Variants in DNASE2B observed in about 807,000 individuals in gnomAD.
DNASE2B encodes deoxyribonuclease 2 beta, also known as deoxyribonuclease-2-beta.
Under a neutral mutation model 46.0 loss-of-function variants are expected in DNASE2B, and 43 were observed. That is an observed-to-expected ratio of 0.94 (90% CI 0.73 to 1.21). The LOEUF is 1.21. Among genes scored for constraint, DNASE2B ranks in the 50% most tolerant of loss-of-function variants. The probability of loss-of-function intolerance (pLI) is 0.00; values close to 1 mark genes in which losing one functional copy is unlikely to be tolerated. For synonymous variants in DNASE2B, 156 were observed against 152.5 expected, an observed-to-expected ratio of 1.02 and a Z score of -0.17; for missense variants, 395 against 414.4, an observed-to-expected ratio of 0.95 and a Z score of 0.41.
At chr1:84,402,400 T>C (rs924350121) in intron 2 of DNASE2B, among the ~76,000 whole-genome samples, 4 of 152,190 alleles carry the variant, frequency 2.6e-5, no homozygotes, top group African/African-American at 4.8e-5. Context: ...CTAATAGAAA[T>C]AGGGAGAGGA....
intron 1 of DNASE2B, among the ~76,000 whole-genome samples, chr1:84,398,923 C>T (rs1680353034): frequency 6.6e-6 from 1 of 152,222 alleles, no homozygotes; most frequent in Non-Finnish European, 1.5e-5. Flanking sequence ...TCACTGTTCT[C>T]AGCGGGGCAA....
chr1:84,411,426 GTGTGTGTGTGTGTGTGTGTGTGT>G (rs1680590459), intron 4 of DNASE2B, among the ~76,000 whole-genome samples: 1 of 3,396 alleles, frequency 2.9e-4, no homozygotes, highest in African/African-American at 3.8e-4. Flanking sequence ...GAAACCTAGG[GTGTGTGTGTGTGTGTGTGTGTGT>G]GTGTGTGTGT....
chr1:84,414,853 T>G lies in DNASE2B; in HGVS notation c.1071T>G (p.Tyr357Ter). 6.2e-7 allele frequency: 1 copy of G among 1,608,044 alleles called. No homozygotes were observed. The highest frequency in any genetic ancestry group is 8.5e-7 in the Non-Finnish European group (1 of 1,175,972). ...YQAFQGLVLY[Y>*]ESCK ...CATTTCAAGGATTAGTATTATACTA[T>G]GAAAGCTGTAAGTAAACTTGGTGAA... Residue 357 changes from tyrosine to a stop codon, truncating the protein, a stop_gained, in exon 6 of 6, where the codon TAT (tyrosine) becomes TAG (stop). Coordinates refer to ENST00000370665, the MANE Select transcript of DNASE2B (RefSeq NM_021233.3). LOFTEE classifies it high-confidence loss of function.
Position 84,398,609 on chromosome 1 carries a change from T to C in DNASE2B, c.45T>C (p.Ala15=), listed in dbSNP as rs1680346023. ...MMARLLRTSF[A]LLFLGLFGVL... ...CAAGACTGCTAAGAACATCCTTTGC[T>C]TTGCTCTTCCTTGGCCTCTTTGGGG... is the stretch of plus-strand genomic sequence containing the variant. The change falls in exon 1 of 6, where the codon GCT becomes GCC. Residue 15 remains alanine (A), a synonymous_variant. Coordinates refer to ENST00000370665, the MANE Select transcript of DNASE2B (RefSeq NM_021233.3). 1.9e-6 allele frequency: 3 copies of C among 1,613,894 alleles called. No homozygotes were observed. The East Asian group carries it at 6.7e-5, about 36-fold the overall frequency.
At chr1:84,408,688 T>C (rs1680536544) in intron 3 of DNASE2B, among the ~76,000 whole-genome samples, 170 bp downstream of exon 3, 1 of 152,158 alleles carries the variant, frequency 6.6e-6, no homozygotes. Context: ...AATATAATTA[T>C]ATGATTTGAC....
chr1:84,411,046 A>G, intron 4 of DNASE2B, 47 bp downstream of exon 4: 1 of 1,536,598 alleles, frequency 6.5e-7, no homozygotes, highest in Non-Finnish European at 8.8e-7. Flanking sequence ...ATGTTGAAGA[A>G]ATGATTTGGA....
chr1:84,410,559 A>C (rs1680569881), intron 3 of DNASE2B, among the ~76,000 whole-genome samples: 1 of 152,166 alleles, frequency 6.6e-6, no homozygotes, highest in Admixed American at 6.5e-5. Context: ...TGCCAAAACA[A>C]ATTTTCCTTG....
At chr1:84,413,160 T>C (rs1292560282) in intron 5 of DNASE2B, among the ~76,000 whole-genome samples, 2 of 152,150 alleles carry the variant, frequency 1.3e-5, no homozygotes, top group Admixed American at 6.5e-5. Flanking sequence ...CAAACATGCC[T>C]AAAAACCCTC....
At chr1:84,413,007 T>G (rs1385885236) in intron 5 of DNASE2B, among the ~76,000 whole-genome samples, 1 of 112,046 alleles carries the variant, frequency 8.9e-6, no homozygotes, top group Non-Finnish European at 1.7e-5. Flanking sequence ...TTTTGCAGGG[T>G]TTCTCCCACC....
At chr1:84,406,645 T>C (rs1680496238) in intron 2 of DNASE2B, among the ~76,000 whole-genome samples, 1 of 152,214 alleles carries the variant, frequency 6.6e-6, no homozygotes, top group Non-Finnish European at 1.5e-5. Context: ...CTGATTTCCA[T>C]GCCTGATTGG....
intron 2 of DNASE2B, among the ~76,000 whole-genome samples, chr1:84,403,763 G>C (rs954153852): frequency 6.6e-6 from 1 of 151,992 alleles, no homozygotes; most frequent in Non-Finnish European, 1.5e-5. Flanking sequence ...AAGGGTTCAT[G>C]TTGTAAAAGA....
rs753207337 is a variant in DNASE2B, at chr1:84,414,739, G to A, written c.957G>A (p.Trp319Ter). 3.7e-6 allele frequency: 6 copies of A among 1,614,056 alleles called. No homozygotes were observed. The Admixed American group carries it at 5.0e-5, about 13-fold the overall frequency. Residue 319 changes from tryptophan to a stop codon, truncating the protein, a stop_gained, in exon 6 of 6, where the codon TGG becomes TGA. Coordinates refer to ENST00000370665, the MANE Select transcript of DNASE2B (RefSeq NM_021233.3). LOFTEE classifies it high-confidence loss of function. ...CCCAAAAGGGCACCAAAAATCGCTGGACATGTATTGGAGACCTAAATCGGA... is the reference window on the plus strand; with the variant it reads ...CCCAAAAGGGCACCAAAAATCGCTGAACATGTATTGGAGACCTAAATCGGA... ...CISQKGTKNR[W>*]TCIGDLNRSP... is the part of the protein sequence containing the mutation.
chr1:84,404,352 AT>A (rs1394506100), intron 2 of DNASE2B, among the ~76,000 whole-genome samples: 1 of 152,170 alleles, frequency 6.6e-6, no homozygotes, highest in Non-Finnish European at 1.5e-5. Context: ...TCTGTCATAA[AT>A]CCTGTGAAGT....
At position 84,403,844 on chromosome 1, in the gene DNASE2B, T is replaced by C. The variant is rs145192663; in HGVS notation, c.303+1766T>C. Among the ~76,000 whole-genome samples, 601 of 151,992 alleles carry C rather than the reference T, an allele frequency of 4.0e-3. 1 individual carries two copies. Among genetic ancestry groups the C allele is most frequent in the Admixed American group, 7.2e-3 (109 of 15,240 alleles). On this transcript the variant is annotated intron_variant, in intron 2 of 5. Coordinates refer to ENST00000370665, the MANE Select transcript of DNASE2B (RefSeq NM_021233.3). Reference sequence around the variant, plus strand: ...ATTCGACACCCAGGCTGCAGTGCAGTGGCACCATAAGAGCTATCTGTTGCC... The same window carrying C: ...ATTCGACACCCAGGCTGCAGTGCAGCGGCACCATAAGAGCTATCTGTTGCC...
Position 84,411,425 on chromosome 1 carries a change from GGTGT to G in DNASE2B, c.547+481_547+484del, listed in dbSNP as rs71097845. Among the ~76,000 whole-genome samples, 124 of 139,330 alleles carry G rather than the reference GGTGT, an allele frequency of 8.9e-4. No individual in the cohort carries two copies. The East Asian group carries it at 0.012, about 14-fold the overall frequency. 91.4% of individuals were successfully genotyped at this position (139,330 alleles called of 152,430 possible). On this transcript the variant is annotated intron_variant, in intron 4 of 5. Transcript: ENST00000370665. ...TTCTCATGAAGTACCAGAAACCTAG[GGTGT>G]GTGTGTGTGTGTGTGTGTGTGTGTG...
chr1:84,402,151 G>A, intron 2 of DNASE2B, 73 bp downstream of exon 2: 1 of 1,461,870 alleles, frequency 6.8e-7, no homozygotes, highest in Non-Finnish European at 9.1e-7. Flanking sequence ...CTTCACCAGA[G>A]TTTTCTGTTC....
At chr1:84,404,332 C>A (rs1166977088) in intron 2 of DNASE2B, among the ~76,000 whole-genome samples, 1 of 152,182 alleles carries the variant, frequency 6.6e-6, no homozygotes, top group Non-Finnish European at 1.5e-5. Flanking sequence ...TCATGACTTT[C>A]TTGATTGACT....
chr1:84,408,032 A>G (rs1038027978), intron 2 of DNASE2B, among the ~76,000 whole-genome samples: 2 of 152,178 alleles, frequency 1.3e-5, no homozygotes, highest in African/African-American at 2.4e-5. Context: ...TGTGCCTATA[A>G]TATCAATGGA....
At position 84,414,966 on chromosome 1, in the gene DNASE2B, TA is replaced by T; in HGVS notation, c.*99del. ...TATTTTAAAGGCCTGTGAATATACT[TA>T]TAACCTGCATATCACAAAATAAAAC... On this transcript the variant is annotated 3_prime_UTR_variant, in exon 6 of 6. Transcript: ENST00000370665. 1 of 821,006 alleles carries T rather than the reference TA, an allele frequency of 1.2e-6. No homozygotes were observed. The highest frequency in any genetic ancestry group is 2.0e-5 in the South Asian group (1 of 51,262). The allele number at this position is 821,006 out of a possible 1,614,324, so 50.9% of individuals were successfully genotyped here. A position where few individuals can be genotyped will look rare whatever the true frequency, so the allele number is the denominator to read the frequency against.
Sources: gnomAD v4.1 joint callset for allele counts (sites outside exome capture counted in the v4.1 genomes callset) on GRCh38, gnomAD v4.1.1 for gene constraint, MANE v1.5 for transcripts, NCBI Gene and HGNC (gene_info 2026-07-23, HGNC 2026-07-21) for gene names.